TNFRSF19: variants seen among roughly 807,000 people sequenced by gnomAD.
The protein encoded by TNFRSF19 is tumor necrosis factor receptor superfamily member 19.
A neutral mutation model predicts 46.4 loss-of-function variants in TNFRSF19; 27 were observed. The observed-to-expected ratio is 0.58, with a 90% CI of 0.43 to 0.80. TNFRSF19 has a LOEUF of 0.80. Among genes scored for constraint, TNFRSF19 ranks in the 30% least tolerant of loss-of-function variants. TNFRSF19 has a pLI of 0.00. For missense variants in TNFRSF19, 511 were observed against 530.8 expected (o/e 0.96, Z 0.37); for synonymous variants, 204 against 205.0 (o/e 1.00, Z 0.04).
intron 3 of TNFRSF19, among the ~76,000 whole-genome samples, chr13:23,615,096 C>T (rs1881180494): frequency 6.6e-6 from 1 of 152,148 alleles, no homozygotes; most frequent in South Asian, 2.1e-4. Flanking sequence ...TTGTCGTGAA[C>T]ACAGATCACA....
At chr13:23,587,761 C>T (rs1262128960) in intron 1 of TNFRSF19, among the ~76,000 whole-genome samples, 9 of 152,188 alleles carry the variant, frequency 5.9e-5, no homozygotes, top group African/African-American at 1.7e-4. Context: ...CTTCAGTTTT[C>T]TCTTCCATTA....
intron 3 of TNFRSF19, among the ~76,000 whole-genome samples, chr13:23,608,518 G>T (rs1266140268): frequency 1.3e-5 from 2 of 152,160 alleles, no homozygotes; most frequent in African/African-American, 4.8e-5. Flanking sequence ...TAACAGTGCG[G>T]GAGGAAGGAG....
chr13:23,660,529 G>T, intron 7 of TNFRSF19, 39 bp downstream of exon 7: 1 of 1,599,556 alleles, frequency 6.3e-7, no homozygotes. Flanking sequence ...AGGACTGGAG[G>T]TACACAGAAG....
intron 3 of TNFRSF19, among the ~76,000 whole-genome samples, chr13:23,604,180 A>C (rs1880356382): frequency 6.6e-6 from 1 of 152,072 alleles, no homozygotes; most frequent in Admixed American, 6.6e-5. Context: ...GTTAATGTAC[A>C]AAAGTCAGTA....
At chr13:23,590,409 A>T (rs1304735919) in intron 2 of TNFRSF19, among the ~76,000 whole-genome samples, 157 bp downstream of exon 2, 1 of 152,126 alleles carries the variant, frequency 6.6e-6, no homozygotes, top group Non-Finnish European at 1.5e-5. Context: ...ATCTTGGCTC[A>T]CTGTAACCTC....
chr13:23,624,256 C>T (rs1881849851), intron 4 of TNFRSF19, among the ~76,000 whole-genome samples: 1 of 151,690 alleles, frequency 6.6e-6, no homozygotes, highest in African/African-American at 2.4e-5. Context: ...GTCTTTATGC[C>T]AGTACTACAT....
At chr13:23,579,932 C>A (rs117652464) in intron 1 of TNFRSF19, among the ~76,000 whole-genome samples, 1,544 of 151,728 alleles carry the variant, frequency 0.01, 34 homozygotes, top group East Asian at 0.091. Flanking sequence ...TGAGCCAGCG[C>A]GCGGCTGCAG....
rs529691153 is a variant in TNFRSF19, at chr13:23,640,999, G to T, written c.445+14207G>T. 4.6e-5 allele frequency among the ~76,000 whole-genome samples: 7 copies of T among 152,274 alleles called. No individual in the cohort carries two copies. The South Asian group carries it at 1.5e-3, about 32-fold the overall frequency. On this transcript the variant is annotated intron_variant, in intron 5 of 9. Coordinates refer to ENST00000248484, the MANE Select transcript of TNFRSF19 (RefSeq NM_148957.4). ...TACATGGTTAATAAGTCCAAACCCA[G>T]GTCGTAGTGCCCAAGCAGCTAGGGA...
chr13:23,625,521 G>A (rs1881942742), intron 4 of TNFRSF19, among the ~76,000 whole-genome samples: 1 of 151,690 alleles, frequency 6.6e-6, no homozygotes, highest in Non-Finnish European at 1.5e-5. Flanking sequence ...GTAGAGATGG[G>A]GTTTCACCAT....
intron 7 of TNFRSF19, among the ~76,000 whole-genome samples, chr13:23,662,438 G>A (rs550138127): frequency 1.3e-3 from 191 of 152,162 alleles, no homozygotes; most frequent in African/African-American, 3.1e-3. Context: ...GCCTTGTAGC[G>A]TAGTTTGAAA....
intron 3 of TNFRSF19, among the ~76,000 whole-genome samples, chr13:23,596,539 T>C (rs2138197662): frequency 6.6e-6 from 1 of 151,932 alleles, no homozygotes; most frequent in South Asian, 2.1e-4. Context: ...ACAAGAGGAA[T>C]GGAAGGGCTA....
rs1884251688 is a variant in TNFRSF19 at position 23,659,995 on chromosome 13, G to C, written c.611-370G>C. Among the ~76,000 whole-genome samples, 1 of 152,084 alleles carries C rather than the reference G, an allele frequency of 6.6e-6. No homozygotes were observed. Among genetic ancestry groups the C allele is most frequent in the Non-Finnish European group, 1.5e-5 (1 of 68,026 alleles). On this transcript the variant is annotated intron_variant, in intron 6 of 9. Transcript: ENST00000248484. This position sits in a 1 kb window ranked among gnomAD's most constrained non-coding sequence, Gnocchi z 4.9. ...GAGGAGGAGGAGGAGGGTTGGCCTT[G>C]GTGTCTCAGCGTGGCAGAGGCTGAA...
chr13:23,658,346 G>A (rs908067571), intron 5 of TNFRSF19, among the ~76,000 whole-genome samples: 2 of 152,160 alleles, frequency 1.3e-5, no homozygotes, highest in African/African-American at 4.8e-5. Flanking sequence ...GGTCACACAG[G>A]TAGAGGTTGA....
At chr13:23,649,353 A>C (rs1657500334) in intron 5 of TNFRSF19, among the ~76,000 whole-genome samples, 1 of 152,154 alleles carries the variant, frequency 6.6e-6, no homozygotes, top group Non-Finnish European at 1.5e-5. Context: ...TTGTTGGCAT[A>C]TGACTGTTTA....
intron 1 of TNFRSF19, among the ~76,000 whole-genome samples, chr13:23,586,292 C>T (rs1036634897): frequency 6.6e-6 from 1 of 150,416 alleles, no homozygotes; most frequent in South Asian, 2.1e-4. Context: ...GACATGCTGA[C>T]CAGATGCAAC....
chr13:23,593,295 A>G (rs1333009084), intron 2 of TNFRSF19, 50 bp from the exon 3 acceptor site: 1 of 1,181,148 alleles, frequency 8.5e-7, no homozygotes, highest in Non-Finnish European at 1.2e-6. Context: ...TTGCAAAAAA[A>G]AATGTTTAAC....
At chr13:23,643,295 G>A (rs1181260460) in intron 5 of TNFRSF19, among the ~76,000 whole-genome samples, 3 of 152,308 alleles carry the variant, frequency 2.0e-5, no homozygotes, top group Non-Finnish European at 2.9e-5. Context: ...TCAGCAACAT[G>A]TTTTGATGAA....
At chr13:23,604,093 A>G (rs539187055) in intron 3 of TNFRSF19, among the ~76,000 whole-genome samples, 52 of 152,244 alleles carry the variant, frequency 3.4e-4, no homozygotes, top group African/African-American at 1.1e-3. Context: ...ATAATCATCT[A>G]TGTAGAAAAT....
At position 23,615,917 on chromosome 13, in the gene TNFRSF19, G is replaced by A. The variant is rs753835089; in HGVS notation, c.231G>A (p.Leu77=). 1.9e-5 allele frequency: 31 copies of A among 1,613,814 alleles called. No homozygotes were observed. In the South Asian group the frequency reaches 3.2e-4, roughly 17 times the overall value. ...ATGCACAGTGTGTGACGTGCCGGCT[G>A]CACAGGTTCAAGGAGGACTGGGGCT... ...GEDAQCVTCR[L]HRFKEDWGFQ... is the part of the protein sequence containing the mutation. Residue 77 remains leucine (L), a synonymous_variant, in exon 4 of 10, where the codon CTG becomes CTA. Transcript: ENST00000248484.
Sources: gnomAD v4.1 joint callset for allele counts (sites outside exome capture counted in the v4.1 genomes callset) on GRCh38, gnomAD v4.1.1 for gene constraint, Gnocchi (gnomAD v3.1) non-coding constraint, MANE v1.5 for transcripts, NCBI Gene and HGNC (gene_info 2026-07-23, HGNC 2026-07-21) for gene names.